The following NBEA variants were observed in gnomAD, a reference collection of about 807,000 sequenced individuals.
The protein encoded by NBEA is lysosomal-trafficking regulator 2.
NBEA carries 44 observed loss-of-function variants against 343.4 expected under a neutral mutation model. The ratio of observed to expected loss-of-function variants is 0.13; its 90% CI spans 0.10 to 0.16. The LOEUF (loss-of-function observed/expected upper bound fraction) is 0.16. NBEA is among the 10% of genes least tolerant of loss of function. The pLI is 1.00. For synonymous variants in NBEA, 1,175 were observed against 1,238.7 expected (o/e 0.95, Z 1.08); for missense variants, 2,555 against 3,631.3 (o/e 0.70, Z 7.62).
At chr13:34,983,368 G>C (rs1393975888) in intron 1 of NBEA, among the ~76,000 whole-genome samples, 2 of 152,028 alleles carry the variant, frequency 1.3e-5, no homozygotes, top group African/African-American at 4.8e-5. Flanking sequence ...CTTTTTTATG[G>C]CTGCATAGTA....
chr13:35,065,081 TC>T (rs978527141), intron 8 of NBEA, among the ~76,000 whole-genome samples: 7 of 151,446 alleles, frequency 4.6e-5, no homozygotes, highest in African/African-American at 1.7e-4. Context: ...TTATATTATT[TC>T]CTTATATTGA....
chr13:35,562,199 A>G (rs570454435), intron 44 of NBEA, among the ~76,000 whole-genome samples: 39 of 152,208 alleles, frequency 2.6e-4, no homozygotes, highest in South Asian at 6.2e-4. Context: ...CTATTTTTGA[A>G]ACACTTGATT....
At position 34,942,612 on chromosome 13, in the gene NBEA, A is replaced by C. The variant is rs1377509644; in HGVS notation, c.-209A>C. 1.4e-5 allele frequency: 4 copies of C among 288,010 alleles called. No individual in the cohort carries two copies. The highest frequency in any genetic ancestry group is 2.5e-5 in the Non-Finnish European group (4 of 157,066). The allele number at this position is 288,010 out of a possible 1,614,324, so 17.8% of individuals were successfully genotyped here. On this transcript the variant is annotated 5_prime_UTR_variant, in exon 1 of 59. Transcript: ENST00000379939. Reference sequence around the variant, plus strand: ...GGTTAGCGGTACCGCCACCGCCGAGAATAAGCCTGCGGATCCCCCGCCGCC... The same window carrying C: ...GGTTAGCGGTACCGCCACCGCCGAGCATAAGCCTGCGGATCCCCCGCCGCC...
intron 31 of NBEA, among the ~76,000 whole-genome samples, chr13:35,199,060 T>TC (rs2072833064): frequency 1.3e-5 from 2 of 152,100 alleles, no homozygotes; most frequent in South Asian, 4.2e-4. Flanking sequence ...TGATTGTCTG[T>TC]CAGCCATTCA....
chr13:35,098,244 G>A (rs2065439839), intron 10 of NBEA, 53 bp from the exon 11 acceptor site: 22 of 1,275,068 alleles, frequency 1.7e-5, no homozygotes, highest in Non-Finnish European at 2.3e-5. Context: ...GTGGGACACT[G>A]TTTATAATAA....
chr13:35,184,080 G>A lies in NBEA; in HGVS notation c.4927+9G>A, dbSNP rs781583014. 2 of 1,581,690 alleles carry A rather than the reference G, an allele frequency of 1.3e-6. No homozygotes were observed. The highest frequency in any genetic ancestry group is 2.2e-5 in the South Asian group (2 of 89,690). On this transcript the variant is annotated intron_variant, in intron 30 of 58. Coordinates refer to ENST00000379939, the MANE Select transcript of NBEA (RefSeq NM_001385012.1). ...CCACTCATTTTACAAAGGTAATACT[G>A]ACCTCATCTCCTGACCTGTTTGGGT...
In NBEA at chr13:35,306,091, C is replaced by G. The variant is rs73491846; in HGVS notation, c.5839-3437C>G. On this transcript the variant is annotated intron_variant, in intron 35 of 58. Transcript: ENST00000379939. ...CAGGACAGGCAGAAAGCAGGATAGA[C>G]AGAAGATTTACTTTCTTCCATCTTC... Among the ~76,000 whole-genome samples the G allele has an allele frequency of 7.6e-3, 1,164 of 152,238 alleles. 16 individuals are homozygous for G. The highest frequency in any genetic ancestry group is 0.026 in the African/African-American group (1,097 of 41,560).
At chr13:35,442,605 A>G (rs2045801164) in intron 39 of NBEA, among the ~76,000 whole-genome samples, 2 of 152,178 alleles carry the variant, frequency 1.3e-5, no homozygotes, top group South Asian at 2.1e-4. Flanking sequence ...CTTAAATTCA[A>G]TAATATTTTC....
rs142937714 is a variant in NBEA, at chr13:35,427,454, G to T, written c.6180-4815G>T. ...CGGTGGCTGCAGAACAGCAGATATT[G>T]GTGAACTGCAAATGCTGCTGCCGAA... On this transcript the variant is annotated intron_variant, in intron 38 of 58. Transcript: ENST00000379939. Among the ~76,000 whole-genome samples, 466 of 152,272 alleles carry T rather than the reference G, an allele frequency of 3.1e-3. 25 individuals are homozygous for T. In the East Asian group the frequency reaches 0.08, roughly 26 times the overall value.
At chr13:35,325,961 C>G (rs893616641) in intron 36 of NBEA, among the ~76,000 whole-genome samples, 1 of 151,960 alleles carries the variant, frequency 6.6e-6, no homozygotes, top group Non-Finnish European at 1.5e-5. Context: ...CAGTCAGATG[C>G]CTGTAGGTGT....
At chr13:35,301,377 C>T (rs2036533879) in intron 35 of NBEA, among the ~76,000 whole-genome samples, 1 of 151,962 alleles carries the variant, frequency 6.6e-6, no homozygotes, top group South Asian at 2.1e-4. Flanking sequence ...TGTGATGTTC[C>T]CCTACCTGTG....
In NBEA at chr13:35,061,215, G is replaced by A. The variant is rs547781883; in HGVS notation, c.1239+2352G>A. On this transcript the variant is annotated intron_variant, in intron 8 of 58. Transcript: ENST00000379939. ...TTCTGTCGAATTTTTGGTTTTGAGCGTTGCAGTTTATCAGTAAATATTCTG... is the reference window on the plus strand; with the variant it reads ...TTCTGTCGAATTTTTGGTTTTGAGCATTGCAGTTTATCAGTAAATATTCTG... 1.2e-4 allele frequency among the ~76,000 whole-genome samples: 18 copies of A among 151,758 alleles called. No homozygotes were observed. The South Asian group carries it at 1.7e-3, about 14-fold the overall frequency.
chr13:35,119,721 G>C (rs867860609), intron 16 of NBEA, among the ~76,000 whole-genome samples: 1 of 152,108 alleles, frequency 6.6e-6, no homozygotes, highest in Admixed American at 6.6e-5. Flanking sequence ...GAGTAGCTGG[G>C]ACTACAGGCG....
chr13:35,192,390 TA>T (rs1424439511), intron 30 of NBEA, among the ~76,000 whole-genome samples: 1 of 152,034 alleles, frequency 6.6e-6, no homozygotes, highest in Admixed American at 6.6e-5. Flanking sequence ...ATTGCTATTA[TA>T]AAATATCCTA....
chr13:35,326,158 C>G (rs2152844256), intron 36 of NBEA, among the ~76,000 whole-genome samples: 1 of 152,092 alleles, frequency 6.6e-6, no homozygotes, highest in East Asian at 1.9e-4. Context: ...ATATGAATTT[C>G]AGAATAAGTT....
chr13:35,003,575 C>G (rs1272275900), intron 1 of NBEA, among the ~76,000 whole-genome samples: 3 of 151,964 alleles, frequency 2.0e-5, no homozygotes, highest in Admixed American at 6.6e-5. Flanking sequence ...AAAGAGATCT[C>G]TAAATAAAAA....
At chr13:35,522,927 G>C (rs761368947) in intron 41 of NBEA, among the ~76,000 whole-genome samples, 7 of 151,376 alleles carry the variant, frequency 4.6e-5, no homozygotes, top group Non-Finnish European at 8.8e-5. Context: ...CTGCTGCTAA[G>C]AGACTTACAC....
intron 30 of NBEA, among the ~76,000 whole-genome samples, chr13:35,184,627 AC>A (rs915692211): frequency 4.5e-4 from 69 of 152,268 alleles, no homozygotes; most frequent in African/African-American, 1.5e-3. Flanking sequence ...AGATTTTGAG[AC>A]AACAGAAATG....
intron 47 of NBEA, among the ~76,000 whole-genome samples, chr13:35,601,326 A>T (rs367700494): frequency 6.6e-6 from 1 of 152,248 alleles, no homozygotes; most frequent in East Asian, 1.9e-4. Flanking sequence ...TACATATTAT[A>T]TGTTAGCACC....
Sources: allele counts gnomAD v4.1 joint callset (sites outside exome capture counted in the v4.1 genomes callset), GRCh38; gene constraint gnomAD v4.1.1; transcripts MANE v1.5; gene names NCBI Gene and HGNC (gene_info 2026-07-23, HGNC 2026-07-21).